FDFT1: variants seen among roughly 807,000 people sequenced by gnomAD.
The protein encoded by FDFT1 is squalene synthase.
In FDFT1, 68 loss-of-function variants were observed where a neutral mutation model predicts 46.8. That is an observed-to-expected ratio of 1.45 (90% CI 1.19 to 1.78). The LOEUF (loss-of-function observed/expected upper bound fraction) is 1.78. Ranked by LOEUF, FDFT1 falls within the 40% of genes most tolerant of loss-of-function variation. FDFT1 has a pLI of 0.00. For missense variants in FDFT1, 928 were observed against 524.4 expected (o/e 1.77, Z -7.52); for synonymous variants, 351 against 185.1 (o/e 1.90, Z -7.28).
chr8:11,821,099 C>T (rs1416731484), intron 3 of FDFT1, among the ~76,000 whole-genome samples: 2 of 152,158 alleles, frequency 1.3e-5, no homozygotes, highest in Admixed American at 6.5e-5. Flanking sequence ...TCCATGTTTG[C>T]ACAAATGAAT....
At chr8:11,804,485 C>T (rs1050295262) in intron 1 of FDFT1, among the ~76,000 whole-genome samples, 6 of 151,354 alleles carry the variant, frequency 4.0e-5, no homozygotes, top group African/African-American at 9.7e-5. Context: ...TAGTTGTAGT[C>T]TTTCTGGGCA....
intron 4 of FDFT1, among the ~76,000 whole-genome samples, chr8:11,825,391 A>G (rs1340101672): frequency 6.6e-6 from 1 of 152,132 alleles, no homozygotes; most frequent in Non-Finnish European, 1.5e-5. Flanking sequence ...AAAATAAAAA[A>G]TTAGCTGGAT....
chr8:11,807,731 C>T (rs1206403091), intron 1 of FDFT1, among the ~76,000 whole-genome samples: 1 of 152,186 alleles, frequency 6.6e-6, no homozygotes, highest in African/African-American at 2.4e-5. Context: ...CGCTGCATTG[C>T]ATTAATTTCG....
chr8:11,807,742 A>G (rs779599854), intron 1 of FDFT1, among the ~76,000 whole-genome samples: 1 of 152,226 alleles, frequency 6.6e-6, no homozygotes, highest in Non-Finnish European at 1.5e-5. Context: ...ATTAATTTCG[A>G]AGGGAAAGAT....
In FDFT1 at chr8:11,839,168, G is replaced by A. The variant is rs2446; in HGVS notation, c.*559G>A. On this transcript the variant is annotated 3_prime_UTR_variant, in exon 8 of 8. Coordinates refer to ENST00000220584, the MANE Select transcript of FDFT1 (RefSeq NM_004462.5). ...TGGGAATAAAATTCTGGGTATTCTC[G>A]TATTCTCATTTAAAGGAGTTTAGCT... 2.6e-5 allele frequency: 4 copies of A among 154,890 alleles called. No homozygotes were observed. Among genetic ancestry groups the A allele is most frequent in the African/African-American group, 9.6e-5 (4 of 41,502 alleles). 9.6% of individuals were successfully genotyped at this position (154,890 alleles called of 1,614,324 possible). A position where few individuals can be genotyped will look rare whatever the true frequency, so the allele number is the denominator to read the frequency against.
chr8:11,797,085 A>T (rs1280477824), intron 1 of FDFT1, among the ~76,000 whole-genome samples: 1 of 152,176 alleles, frequency 6.6e-6, no homozygotes, highest in Non-Finnish European at 1.5e-5. Context: ...AGGGGTGGTA[A>T]ATCCTGGGTG....
At chr8:11,834,973 AT>A (rs1404425669) in intron 7 of FDFT1, among the ~76,000 whole-genome samples, 1 of 152,166 alleles carries the variant, frequency 6.6e-6, no homozygotes, top group Non-Finnish European at 1.5e-5. Context: ...AAAATACAAC[AT>A]TTAGCCAGGT....
At chr8:11,835,393 C>T (rs549551269) in intron 7 of FDFT1, among the ~76,000 whole-genome samples, 5 of 152,192 alleles carry the variant, frequency 3.3e-5, no homozygotes, top group Admixed American at 6.5e-5. Context: ...GACTGCAGCT[C>T]TTCCAGTTGT....
upstream of FDFT1, among the ~76,000 whole-genome samples, chr8:11,798,711 G>A (rs1014669329): frequency 2.0e-5 from 3 of 152,106 alleles, no homozygotes; most frequent in African/African-American, 7.2e-5. Context: ...TGTCCTATAC[G>A]CAGCTCAATT....
At chr8:11,818,612 G>A (rs138705381) in intron 3 of FDFT1, among the ~76,000 whole-genome samples, 68 of 152,204 alleles carry the variant, frequency 4.5e-4, no homozygotes, top group African/African-American at 1.6e-3. Flanking sequence ...TTACCATTAT[G>A]TAGTGGCCTT....
At chr8:11,808,488 A>AG in intron 1 of FDFT1, 2 of 1,326,042 alleles carry the variant, frequency 1.5e-6, no homozygotes, top group South Asian at 2.2e-5. Context: ...GAGTCTATGG[A>AG]GGAAAAACTC....
intron 3 of FDFT1, among the ~76,000 whole-genome samples, chr8:11,818,237 A>C (rs1309395191): frequency 6.6e-6 from 1 of 152,120 alleles, no homozygotes; most frequent in African/African-American, 2.4e-5. Context: ...AGTTTGTTGT[A>C]ATTTCTGTTC....
intron 7 of FDFT1, among the ~76,000 whole-genome samples, chr8:11,836,410 T>C (rs58631438): frequency 0.35 from 52,845 of 152,164 alleles, 9,590 homozygotes; most frequent in East Asian, 0.48. Context: ...GCCCTTGGGC[T>C]TCTGACGAGC....
intron 5 of FDFT1, among the ~76,000 whole-genome samples, chr8:11,827,847 C>G (rs977601103): frequency 6.6e-6 from 1 of 151,794 alleles, no homozygotes; most frequent in African/African-American, 2.4e-5. Context: ...CGAGACCAGC[C>G]TGGACAACGT....
upstream of FDFT1, among the ~76,000 whole-genome samples, chr8:11,800,658 T>C (rs940467281): frequency 2.0e-5 from 3 of 152,222 alleles, no homozygotes; most frequent in African/African-American, 4.8e-5. Flanking sequence ...GGCAAATATT[T>C]AGGCTAAATT....
At chr8:11,837,738 T>G (rs188432974) in intron 7 of FDFT1, among the ~76,000 whole-genome samples, 95 of 151,970 alleles carry the variant, frequency 6.3e-4, no homozygotes, top group Non-Finnish European at 9.4e-4. Flanking sequence ...ACAGGTAGAT[T>G]TGGGAATTTA....
intron 3 of FDFT1, among the ~76,000 whole-genome samples, chr8:11,819,387 G>C (rs1343755845): frequency 2.0e-5 from 3 of 152,178 alleles, no homozygotes; most frequent in African/African-American, 7.2e-5. Flanking sequence ...GAATTTGAAT[G>C]TTGACCTGCC....
At chr8:11,835,236 T>C (rs1195028738) in intron 7 of FDFT1, among the ~76,000 whole-genome samples, 2 of 152,216 alleles carry the variant, frequency 1.3e-5, no homozygotes, top group Non-Finnish European at 2.9e-5. Context: ...TAGTAGGTTT[T>C]TAAGACCTGA....
At chr8:11,838,281 C>G in intron 7 of FDFT1, 107 bp from the exon 8 acceptor site, 1 of 831,868 alleles carries the variant, frequency 1.2e-6, no homozygotes, top group Non-Finnish European at 2.0e-6. Flanking sequence ...TCCCTTTCCT[C>G]ATTGGTAAAA....
Sources: allele counts gnomAD v4.1 joint callset (sites outside exome capture counted in the v4.1 genomes callset), GRCh38; gene constraint gnomAD v4.1.1; transcripts MANE v1.5; gene names NCBI Gene and HGNC (gene_info 2026-07-23, HGNC 2026-07-21).